HS3ST5: variants seen among roughly 807,000 people sequenced by gnomAD.
HS3ST5 encodes the protein heparan sulfate glucosamine 3-O-sulfotransferase 5.
HS3ST5 carries 10 observed loss-of-function variants against 25.4 expected under a neutral mutation model. That is an observed-to-expected ratio of 0.39 (90% confidence interval 0.24 to 0.67). The LOEUF (loss-of-function observed/expected upper bound fraction) is 0.67. Ranked by LOEUF, HS3ST5 falls within the 30% of genes least tolerant of loss-of-function variation. The pLI, the probability that HS3ST5 is intolerant of heterozygous loss-of-function variation, is 0.44. For missense variants in HS3ST5, 324 were observed against 420.7 expected (o/e 0.77, Z 2.01); for synonymous variants, 170 against 162.4 (o/e 1.05, Z -0.36).
Position 114,168,451 on chromosome 6 carries a change from T to G in HS3ST5, c.-133A>C, listed in dbSNP as rs1325974877. 6.6e-6 allele frequency: 1 copy of G among 152,236 alleles called. No homozygotes were observed. Among genetic ancestry groups the G allele is most frequent in the Non-Finnish European group, 1.5e-5 (1 of 68,058 alleles). The allele number at this position is 152,236 out of a possible 1,614,324, so 9.4% of individuals were successfully genotyped here. A position where few individuals can be genotyped will look rare whatever the true frequency, so the allele number is the denominator to read the frequency against. ...ACTGGCTGTCCTTTTGGTTTATCCC[T>G]TGCTTTAGCACCTGGGGGTGGACAA... On this transcript the variant is annotated 5_prime_UTR_variant, in exon 3 of 5. Transcript: ENST00000312719.
chr6:114,079,465 G>C (rs1226179126), intron 3 of HS3ST5, among the ~76,000 whole-genome samples: 1 of 152,126 alleles, frequency 6.6e-6, no homozygotes, highest in African/African-American at 2.4e-5. Flanking sequence ...TTTCAAGTTT[G>C]ATCATGAGAT....
At chr6:114,326,653 T>C (rs927929463) in intron 1 of HS3ST5, among the ~76,000 whole-genome samples, 1 of 152,182 alleles carries the variant, frequency 6.6e-6, no homozygotes, top group Admixed American at 6.5e-5. Flanking sequence ...TCATAATACT[T>C]CTTTTTAGTC....
intron 2 of HS3ST5, among the ~76,000 whole-genome samples, chr6:114,187,992 A>G (rs532281562): frequency 6.6e-6 from 1 of 152,322 alleles, no homozygotes; most frequent in Non-Finnish European, 1.5e-5. Flanking sequence ...TTTTTTAGAC[A>G]TACTGCTATT....
At chr6:114,224,475 T>A (rs948808958) in intron 2 of HS3ST5, among the ~76,000 whole-genome samples, 2 of 151,530 alleles carry the variant, frequency 1.3e-5, no homozygotes, top group African/African-American at 2.4e-5. Context: ...GTTTACTATT[T>A]TCCTATTATG....
chr6:114,334,733 A>G (rs1306195007), intron 1 of HS3ST5, among the ~76,000 whole-genome samples: 1 of 152,228 alleles, frequency 6.6e-6, no homozygotes, highest in African/African-American at 2.4e-5. Context: ...AGTACACTTT[A>G]TGATGTTCAC....
chr6:114,236,631 C>G (rs1389746002), intron 1 of HS3ST5, among the ~76,000 whole-genome samples: 1 of 152,126 alleles, frequency 6.6e-6, no homozygotes, highest in Non-Finnish European at 1.5e-5. Context: ...GATCACTATA[C>G]ACAATATTTT....
At chr6:114,190,394 T>G (rs1780443346) in intron 2 of HS3ST5, among the ~76,000 whole-genome samples, 1 of 152,228 alleles carries the variant, frequency 6.6e-6, no homozygotes, top group African/African-American at 2.4e-5. Context: ...AAAAATTCAT[T>G]TCCATGATTA....
chr6:114,173,297 C>T (rs890910306), intron 2 of HS3ST5, among the ~76,000 whole-genome samples: 1 of 152,136 alleles, frequency 6.6e-6, no homozygotes, highest in African/African-American at 2.4e-5. Context: ...CTTCTTATGG[C>T]AGGCCACAAC....
intron 2 of HS3ST5, among the ~76,000 whole-genome samples, chr6:114,225,613 C>T (rs968595387): frequency 2.6e-5 from 4 of 151,824 alleles, no homozygotes; most frequent in Middle Eastern, 3.2e-3. Context: ...ATACAATGAT[C>T]AAAACTGTTG....
intron 2 of HS3ST5, among the ~76,000 whole-genome samples, chr6:114,194,449 T>G (rs1780647224): frequency 2.0e-5 from 3 of 152,160 alleles, no homozygotes; most frequent in African/African-American, 2.4e-5. Flanking sequence ...TTAACTGCCT[T>G]TAGGCTTTCT....
intron 2 of HS3ST5, among the ~76,000 whole-genome samples, chr6:114,175,973 G>T (rs1344204143): frequency 1.3e-5 from 2 of 152,038 alleles, no homozygotes; most frequent in Non-Finnish European, 2.9e-5. Flanking sequence ...TATTTCACTA[G>T]TAACACCCAC....
intron 1 of HS3ST5, among the ~76,000 whole-genome samples, chr6:114,330,614 C>T (rs1776355020): frequency 1.3e-5 from 2 of 152,176 alleles, no homozygotes; most frequent in African/African-American, 4.8e-5. Flanking sequence ...AGGTTCCACC[C>T]AGCTCCACGC....
intron 2 of HS3ST5, among the ~76,000 whole-genome samples, chr6:114,223,083 G>A (rs899844537): frequency 7.3e-5 from 11 of 151,524 alleles, no homozygotes; most frequent in South Asian, 2.1e-4. Flanking sequence ...ATAATAGTTC[G>A]ATTTAATTTT....
At chr6:114,310,475 A>G (rs1775482600) in intron 1 of HS3ST5, among the ~76,000 whole-genome samples, 1 of 152,160 alleles carries the variant, frequency 6.6e-6, no homozygotes, top group Admixed American at 6.5e-5. Flanking sequence ...TAAACGGCAA[A>G]AACTTCAAAA....
At chr6:114,160,321 C>T (rs74604684) in intron 3 of HS3ST5, among the ~76,000 whole-genome samples, 10,926 of 151,362 alleles carry the variant, frequency 0.072, 512 homozygotes, top group Middle Eastern at 0.17. Flanking sequence ...GAATGGAGAA[C>T]GACTAAAAAA....
chr6:114,259,738 ACAT>A (rs1263653930), intron 1 of HS3ST5, among the ~76,000 whole-genome samples: 1 of 152,212 alleles, frequency 6.6e-6, no homozygotes, highest in Non-Finnish European at 1.5e-5. Context: ...GTCCCTAAAT[ACAT>A]ATATACAGAT....
intron 1 of HS3ST5, among the ~76,000 whole-genome samples, chr6:114,276,721 A>G (rs188305270): frequency 2.6e-5 from 4 of 151,960 alleles, no homozygotes; most frequent in African/African-American, 9.7e-5. Context: ...TCTTTAACTC[A>G]TATTTTATAA....
At chr6:114,125,155 A>G (rs955037190) in intron 3 of HS3ST5, among the ~76,000 whole-genome samples, 1 of 152,234 alleles carries the variant, frequency 6.6e-6, no homozygotes, top group African/African-American at 2.4e-5. Flanking sequence ...TTTAAATACA[A>G]AACACTTCTG....
At chr6:114,112,064 C>T (rs1776294709) in intron 3 of HS3ST5, among the ~76,000 whole-genome samples, 1 of 152,178 alleles carries the variant, frequency 6.6e-6, no homozygotes, top group South Asian at 2.1e-4. Flanking sequence ...CACTGTCACT[C>T]TTTTCCATTC....
Sources: gnomAD v4.1 joint callset for allele counts (sites outside exome capture counted in the v4.1 genomes callset) on GRCh38, gnomAD v4.1.1 for gene constraint, MANE v1.5 for transcripts, NCBI Gene and HGNC (gene_info 2026-07-23, HGNC 2026-07-21) for gene names.